RBMS3: variants seen among roughly 807,000 people sequenced by gnomAD.
RBMS3 encodes RNA-binding motif, single-stranded-interacting protein 3.
A neutral mutation model predicts 66.8 loss-of-function variants in RBMS3; 27 were observed. The ratio of observed to expected loss-of-function variants is 0.40; its 90% CI spans 0.30 to 0.56. The LOEUF (loss-of-function observed/expected upper bound fraction) is 0.56, where lower values mean the gene tolerates loss of function less well. Among genes scored for constraint, RBMS3 ranks in the 20% least tolerant of loss-of-function variants. The pLI is 0.40. For synonymous variants in RBMS3, 188 were observed against 183.0 expected, an observed-to-expected ratio of 1.03 and a Z score of -0.22; for missense variants, 513 against 549.5, an observed-to-expected ratio of 0.93 and a Z score of 0.66.
chr3:29,615,212 A>T (rs921536774), intron 4 of RBMS3: 2 of 152,314 alleles, frequency 1.3e-5, no homozygotes, highest in Non-Finnish European at 2.9e-5. Context: ...ATAATATTCC[A>T]TGACTGGATT....
intron 2 of RBMS3, among the ~76,000 whole-genome samples, chr3:29,473,188 A>G (rs937040504): frequency 6.6e-6 from 1 of 152,018 alleles, no homozygotes; most frequent in Non-Finnish European, 1.5e-5. Flanking sequence ...CAGAGTAGCT[A>G]GATACAGAGT....
chr3:29,343,690 G>A (rs13078944), intron 1 of RBMS3, among the ~76,000 whole-genome samples: 73,163 of 151,928 alleles, frequency 0.48, 17,911 homozygotes, highest in African/African-American at 0.57. Context: ...AGGAAAACCA[G>A]TTCAACCTCA....
intron 14 of RBMS3, among the ~76,000 whole-genome samples, chr3:29,997,908 G>C (rs1480459235): frequency 1.3e-5 from 2 of 152,196 alleles, no homozygotes; most frequent in African/African-American, 4.8e-5. Context: ...TGTGTTGGAA[G>C]TTCTGGCCAG....
chr3:29,281,908 G>A, intron 1 of RBMS3, 152 bp downstream of exon 1: 1 of 631,238 alleles, frequency 1.6e-6, no homozygotes. Flanking sequence ...GAGTTAATGA[G>A]GCAGAGGAAG....
intron 6 of RBMS3, among the ~76,000 whole-genome samples, chr3:29,791,034 T>A (rs1013283751): frequency 6.6e-6 from 1 of 152,232 alleles, no homozygotes; most frequent in African/African-American, 2.4e-5. Context: ...CCCTCACATC[T>A]CAGCTCTGAT....
At chr3:29,627,373 G>A (rs940528366) in intron 4 of RBMS3, among the ~76,000 whole-genome samples, 1 of 151,652 alleles carries the variant, frequency 6.6e-6, no homozygotes, top group East Asian at 1.9e-4. Context: ...GGCATTTGAG[G>A]CTGGATAAAG....
chr3:29,905,633 A>G lies in RBMS3; in HGVS notation c.939+5878A>G, dbSNP rs960101276. On this transcript the variant is annotated intron_variant, in intron 10 of 14. Transcript: ENST00000383767. ...CTTTGAGCATTGCTCTATTTTGACT[A>G]CTATAACTGACAATACCTTAATCAG... Among the ~76,000 whole-genome samples the G allele has an allele frequency of 9.9e-5, 15 of 151,980 alleles. No individual in the cohort carries two copies. The South Asian group carries it at 1.9e-3, about 19-fold the overall frequency.
chr3:29,343,514 T>C (rs564111804), intron 1 of RBMS3, among the ~76,000 whole-genome samples: 1 of 152,044 alleles, frequency 6.6e-6, no homozygotes, highest in Non-Finnish European at 1.5e-5. Context: ...TTCCCTTAAA[T>C]AGACGGCTAA....
intron 4 of RBMS3, among the ~76,000 whole-genome samples, chr3:29,633,467 C>T (rs1041899040): frequency 6.6e-6 from 1 of 151,616 alleles, no homozygotes; most frequent in African/African-American, 2.4e-5. Flanking sequence ...TTTTGGAATC[C>T]AGAGTTAATG....
intron 4 of RBMS3, among the ~76,000 whole-genome samples, chr3:29,604,187 C>A (rs1357476832): frequency 1.3e-5 from 2 of 151,912 alleles, no homozygotes; most frequent in Non-Finnish European, 2.9e-5. Flanking sequence ...AAAAATCAAT[C>A]TTAATTTTCT....
chr3:29,884,465 TCTC>T (rs1559767339), intron 8 of RBMS3, among the ~76,000 whole-genome samples: 9 of 92,952 alleles, frequency 9.7e-5, no homozygotes, highest in Non-Finnish European at 2.0e-4. Context: ...TCTCTCTCTC[TCTC>T]TCCCCCCCCG....
At chr3:29,301,543 A>T (rs2033670874) in intron 1 of RBMS3, among the ~76,000 whole-genome samples, 1 of 152,022 alleles carries the variant, frequency 6.6e-6, no homozygotes. Context: ...GTTTTGCTCT[A>T]ATGATCCTTT....
intron 11 of RBMS3, among the ~76,000 whole-genome samples, chr3:29,938,108 G>A (rs2061311619): frequency 6.6e-6 from 1 of 151,790 alleles, no homozygotes; most frequent in African/African-American, 2.4e-5. Context: ...AAATATAAGA[G>A]CTAGTTAACT....
intron 1 of RBMS3, among the ~76,000 whole-genome samples, chr3:29,417,013 G>C (rs2040505104): frequency 6.6e-6 from 1 of 152,024 alleles, no homozygotes; most frequent in Non-Finnish European, 1.5e-5. Flanking sequence ...AGGACAGGCA[G>C]AATTATCTGT....
intron 3 of RBMS3, among the ~76,000 whole-genome samples, chr3:29,579,409 G>T (rs1290937969): frequency 6.6e-6 from 1 of 152,114 alleles, no homozygotes; most frequent in East Asian, 1.9e-4. Context: ...TCTATTCCTT[G>T]TATGGAGGAA....
At chr3:29,940,327 T>C (rs2061360752) in intron 11 of RBMS3, among the ~76,000 whole-genome samples, 1 of 151,884 alleles carries the variant, frequency 6.6e-6, no homozygotes, top group Admixed American at 6.6e-5. Context: ...ATTTCAGACA[T>C]CTGAGCCCAC....
chr3:29,519,247 A>G (rs2044758911), intron 3 of RBMS3, among the ~76,000 whole-genome samples: 1 of 152,180 alleles, frequency 6.6e-6, no homozygotes, highest in South Asian at 2.1e-4. Context: ...GAAGAAAGCC[A>G]TCTGTAGAAC....
At chr3:29,707,602 C>A (rs1407395909) in intron 4 of RBMS3, among the ~76,000 whole-genome samples, 1 of 152,178 alleles carries the variant, frequency 6.6e-6, no homozygotes, top group Non-Finnish European at 1.5e-5. Flanking sequence ...GTTTTTCTGT[C>A]TTTTCCATAA....
intron 4 of RBMS3, among the ~76,000 whole-genome samples, chr3:29,598,075 A>G (rs753191154): frequency 3.3e-5 from 5 of 152,132 alleles, no homozygotes; most frequent in Non-Finnish European, 7.4e-5. Flanking sequence ...GAGAAGAATG[A>G]CATATTACTT....
Sources: allele counts gnomAD v4.1 joint callset (sites outside exome capture counted in the v4.1 genomes callset), GRCh38; gene constraint gnomAD v4.1.1; transcripts MANE v1.5; gene names NCBI Gene and HGNC (gene_info 2026-07-23, HGNC 2026-07-21).